ZC3H12C: variants seen among roughly 807,000 people sequenced by gnomAD.
ZC3H12C encodes zinc finger CCCH-type containing 12C.
Under a neutral mutation model 76.3 loss-of-function variants are expected in ZC3H12C, and 20 were observed. That is an observed-to-expected ratio of 0.26 (90% CI 0.18 to 0.38). The LOEUF (loss-of-function observed/expected upper bound fraction) is 0.38, where lower values mean the gene tolerates loss of function less well. ZC3H12C is among the 10% of genes least tolerant of loss of function. The probability of loss-of-function intolerance (pLI) is 1.00; values close to 1 mark genes in which losing one functional copy is unlikely to be tolerated. For missense variants in ZC3H12C, 874 were observed against 1,086.5 expected, an observed-to-expected ratio of 0.80 and a Z score of 2.75; for synonymous variants, 352 against 399.6, an observed-to-expected ratio of 0.88 and a Z score of 1.42.
chr11:110,159,194 A>G, intron 3 of ZC3H12C, 62 bp from the exon 4 acceptor site: 2 of 1,273,304 alleles, frequency 1.6e-6, no homozygotes, highest in Non-Finnish European at 2.2e-6. Flanking sequence ...ATTGTATGAA[A>G]GTTGCCATGT....
chr11:110,135,698 G>T (rs541750724), intron 1 of ZC3H12C, among the ~76,000 whole-genome samples: 2 of 151,914 alleles, frequency 1.3e-5, no homozygotes, highest in Non-Finnish European at 2.9e-5. Context: ...TAGGAAAAAA[G>T]ATCACTTTTT....
chr11:110,140,944 A>G (rs1276387538), intron 2 of ZC3H12C, among the ~76,000 whole-genome samples: 3 of 152,220 alleles, frequency 2.0e-5, no homozygotes, highest in African/African-American at 7.2e-5. Flanking sequence ...TTGGAGACAA[A>G]GAGACCCACT....
chr11:110,123,013 C>T (rs1445881077), intron 1 of ZC3H12C, among the ~76,000 whole-genome samples: 2 of 152,202 alleles, frequency 1.3e-5, no homozygotes, highest in East Asian at 1.9e-4. Context: ...TTTTCTTATA[C>T]TGCTCAGAAC....
At chr11:110,155,470 A>C (rs1862359975) in intron 3 of ZC3H12C, among the ~76,000 whole-genome samples, 1 of 152,196 alleles carries the variant, frequency 6.6e-6, no homozygotes, top group Admixed American at 6.5e-5. Context: ...GTTCCAAGAA[A>C]ATAAGCAGAA....
intron 1 of ZC3H12C, among the ~76,000 whole-genome samples, chr11:110,128,954 C>G (rs1305302715): frequency 1.3e-5 from 2 of 150,236 alleles, no homozygotes; most frequent in African/African-American, 2.4e-5. Context: ...CATTTGCTTA[C>G]CCAATATGTG....
intron 2 of ZC3H12C, among the ~76,000 whole-genome samples, chr11:110,151,376 C>A (rs534659935): frequency 6.6e-6 from 1 of 152,236 alleles, no homozygotes; most frequent in East Asian, 1.9e-4. Flanking sequence ...TCTCAGTAAA[C>A]CAAGTATCAT....
chr11:110,136,418 A>G, intron 1 of ZC3H12C: 1 of 414,910 alleles, frequency 2.4e-6, no homozygotes, highest in Admixed American at 4.0e-5. Context: ...TGGGTAAAAA[A>G]ATACAGTTCT....
At chr11:110,116,541 T>TGCATAATATTGCACAGAAGAATA (rs1861529504) in intron 1 of ZC3H12C, among the ~76,000 whole-genome samples, 1 of 152,190 alleles carries the variant, frequency 6.6e-6, no homozygotes, top group Admixed American at 6.5e-5. Flanking sequence ...CAGTTAAAGC[T>TGCATAATATTGCACAGAAGAATA]TTTGCCTGCA....
intron 2 of ZC3H12C, among the ~76,000 whole-genome samples, chr11:110,146,516 AG>A (rs1268993407): frequency 6.6e-6 from 1 of 152,100 alleles, no homozygotes; most frequent in African/African-American, 2.4e-5. Context: ...AAATCTCTGG[AG>A]GGGGTAGTAA....
chr11:110,100,708 T>C (rs528897759), intron 1 of ZC3H12C, among the ~76,000 whole-genome samples: 4 of 152,306 alleles, frequency 2.6e-5, no homozygotes, highest in African/African-American at 9.6e-5. Flanking sequence ...TCAAGCAGTG[T>C]TGTGTGTGTT....
Position 110,143,191 on chromosome 11 carries a change from A to T in ZC3H12C, c.773+5777A>T, listed in dbSNP as rs1365332113. 2.6e-5 allele frequency among the ~76,000 whole-genome samples: 4 copies of T among 152,330 alleles called. No homozygotes were observed. In the East Asian group the frequency reaches 5.8e-4, roughly 22 times the overall value. Reference sequence around the variant, plus strand: ...TCAAATAAATATGAAATTTAATTGGACTACAATGAGAGAAAGTAAAATATC... The same window carrying T: ...TCAAATAAATATGAAATTTAATTGGTCTACAATGAGAGAAAGTAAAATATC... On this transcript the variant is annotated intron_variant, in intron 2 of 5. Transcript: ENST00000278590.
chr11:110,138,431 A>G (rs1367385030), intron 2 of ZC3H12C, among the ~76,000 whole-genome samples: 1 of 152,196 alleles, frequency 6.6e-6, no homozygotes, highest in African/African-American at 2.4e-5. Flanking sequence ...TAGTACCTAC[A>G]TCAAAAAGTA....
At position 110,117,887 on chromosome 11, in the gene ZC3H12C, TTA is replaced by T. The variant is rs1346580045; in HGVS notation, c.22-18767_22-18766del. Among the ~76,000 whole-genome samples, 79 of 76,896 alleles carry T rather than the reference TTA, an allele frequency of 1.0e-3. 4 individuals are homozygous for T. The highest frequency in any genetic ancestry group is 3.9e-3 in the African/African-American group (76 of 19,672). The allele number at this position is 76,896 out of a possible 152,430, so 50.4% of individuals were successfully genotyped here. On this transcript the variant is annotated intron_variant, in intron 1 of 5. Coordinates refer to ENST00000278590, the MANE Select transcript of ZC3H12C (RefSeq NM_033390.2). ...ATATATATACACACACATATATATA[TTA>T]TATATATACACACACACATATATAT...
At chr11:110,137,458 T>A in intron 2 of ZC3H12C, 44 bp downstream of exon 2, 1 of 1,521,550 alleles carries the variant, frequency 6.6e-7, no homozygotes, top group South Asian at 1.4e-5. Flanking sequence ...CAAATAATCT[T>A]TAAAAGCCTT....
rs974009509 is a variant in ZC3H12C, at chr11:110,165,561, G to A, written c.2476G>A (p.Gly826Arg). ...GCCAGCCTGGCGGATCCCATACTGT[G>A]GAATGCCGCAAGATCCCCCGAGGTA... ...QEPAWRIPYCGMPQDPPRYQD... is the reference protein window; with the variant it reads ...QEPAWRIPYCRMPQDPPRYQD... The change falls in exon 6 of 6, where the codon GGA (glycine) becomes AGA (arginine). Residue 826 changes from glycine to arginine, a missense_variant. Transcript: ENST00000278590. 3 of 1,612,998 alleles carry A rather than the reference G, an allele frequency of 1.9e-6. No homozygotes were observed. The African/African-American group carries it at 4.0e-5, about 22-fold the overall frequency.
At position 110,161,012 on chromosome 11, in the gene ZC3H12C, T is replaced by TG. The variant is rs1436806074; in HGVS notation, c.1148+1522_1148+1523insG. 9.3e-5 allele frequency among the ~76,000 whole-genome samples: 4 copies of TG among 43,152 alleles called. No individual in the cohort carries two copies. The East Asian group carries it at 0.014, about 149-fold the overall frequency. 28.3% of individuals were successfully genotyped at this position (43,152 alleles called of 152,430 possible). ...CCATCACACCTGGCTAATTTTTGTG[T>TG]TTTTTTTTTTTAGTAGAGACGAGGT... On this transcript the variant is annotated intron_variant, in intron 4 of 5. Coordinates refer to ENST00000278590, the MANE Select transcript of ZC3H12C (RefSeq NM_033390.2).
chr11:110,145,404 T>C lies in ZC3H12C; in HGVS notation c.774-7515T>C, dbSNP rs556636760. On this transcript the variant is annotated intron_variant, in intron 2 of 5. Coordinates refer to ENST00000278590, the MANE Select transcript of ZC3H12C (RefSeq NM_033390.2). ...TGTTTGTTAAGATAATTTAAGTTCA[T>C]TTAGCTCTCCTAATTTCCAGTTGTC... Among the ~76,000 whole-genome samples, 3 of 152,310 alleles carry C rather than the reference T, an allele frequency of 2.0e-5. No homozygotes were observed. In the East Asian group the frequency reaches 5.8e-4, roughly 29 times the overall value.
intron 1 of ZC3H12C, among the ~76,000 whole-genome samples, chr11:110,117,848 C>A (rs1488121021): frequency 1.6e-5 from 2 of 125,876 alleles, no homozygotes; most frequent in East Asian, 4.4e-4. Context: ...TATATACACA[C>A]ACACATATAT....
At chr11:110,097,651 C>G (rs1861137174) in intron 1 of ZC3H12C, among the ~76,000 whole-genome samples, 1 of 152,178 alleles carries the variant, frequency 6.6e-6, no homozygotes, top group Non-Finnish European at 1.5e-5. Flanking sequence ...GGTCAAATAA[C>G]TTACCCGAGT....
Sources: allele counts gnomAD v4.1 joint callset (sites outside exome capture counted in the v4.1 genomes callset), GRCh38; gene constraint gnomAD v4.1.1; transcripts MANE v1.5; gene names NCBI Gene and HGNC (gene_info 2026-07-23, HGNC 2026-07-21).